Variants in GPC5 observed in about 807,000 individuals in gnomAD.
GPC5 encodes glypican-5.
A neutral mutation model predicts 53.9 loss-of-function variants in GPC5; 47 were observed. The observed-to-expected ratio is 0.87, with a 90% CI of 0.69 to 1.11. The LOEUF (loss-of-function observed/expected upper bound fraction) is 1.11, where lower values mean the gene tolerates loss of function less well. Ranked by LOEUF, GPC5 falls within the 50% of genes most tolerant of loss-of-function variation. The pLI, the probability that GPC5 is intolerant of heterozygous loss-of-function variation, is 0.00. For synonymous variants in GPC5, 286 were observed against 263.3 expected, an observed-to-expected ratio of 1.09 and a Z score of -0.84; for missense variants, 748 against 713.1, an observed-to-expected ratio of 1.05 and a Z score of -0.56.
chr13:92,731,003 T>C (rs1239510378), intron 7 of GPC5, among the ~76,000 whole-genome samples: 5 of 151,398 alleles, frequency 3.3e-5, no homozygotes. Flanking sequence ...AGATGAGTCT[T>C]TGATTGCTTA....
intron 2 of GPC5, among the ~76,000 whole-genome samples, chr13:91,511,329 C>T (rs73606479): frequency 0.013 from 1,908 of 152,146 alleles, 39 homozygotes; most frequent in African/African-American, 0.04. Flanking sequence ...CTTTGGTTTT[C>T]AGGAATTTGA....
intron 7 of GPC5, among the ~76,000 whole-genome samples, chr13:92,356,705 A>G (rs1182257053): frequency 1.3e-5 from 2 of 152,104 alleles, no homozygotes; most frequent in African/African-American, 4.8e-5. Context: ...ACCAATTTTT[A>G]TTTATTTTTT....
chr13:91,656,010 T>A (rs1254544378), intron 2 of GPC5, among the ~76,000 whole-genome samples: 1 of 152,104 alleles, frequency 6.6e-6, no homozygotes, highest in Non-Finnish European at 1.5e-5. Context: ...CTTTTAGTGA[T>A]CGTTGTGTCA....
intron 7 of GPC5, among the ~76,000 whole-genome samples, chr13:92,376,298 G>A (rs2043693163): frequency 6.6e-6 from 1 of 152,174 alleles, no homozygotes; most frequent in African/African-American, 2.4e-5. Flanking sequence ...TGGCTAAGCT[G>A]TTTTGCATAA....
At chr13:91,792,226 G>A (rs182601671) in intron 5 of GPC5, among the ~76,000 whole-genome samples, 18 of 152,242 alleles carry the variant, frequency 1.2e-4, no homozygotes, top group South Asian at 4.1e-4. Context: ...ACTTCACTGC[G>A]TAGCAGCAAC....
chr13:91,883,940 A>G (rs936262229), intron 5 of GPC5, among the ~76,000 whole-genome samples: 2 of 152,056 alleles, frequency 1.3e-5, no homozygotes, highest in Non-Finnish European at 2.9e-5. Flanking sequence ...CCCTCCTCCC[A>G]GCTTTCACCC....
intron 1 of GPC5, among the ~76,000 whole-genome samples, chr13:91,432,199 GCTGC>G (rs1879504859): frequency 4.2e-5 from 3 of 70,590 alleles, no homozygotes; most frequent in African/African-American, 2.0e-4. Flanking sequence ...TGCTGCTGCT[GCTGC>G]TGTGTGTGTG....
At chr13:91,769,342 T>C (rs1486875358) in intron 5 of GPC5, among the ~76,000 whole-genome samples, 12 of 152,156 alleles carry the variant, frequency 7.9e-5, no homozygotes, top group Non-Finnish European at 1.8e-4. Context: ...AGACTGCTAC[T>C]TGACCAAACC....
At chr13:91,715,490 C>CA (rs1392262989) in intron 3 of GPC5, among the ~76,000 whole-genome samples, 3 of 151,898 alleles carry the variant, frequency 2.0e-5, no homozygotes, top group East Asian at 1.9e-4. Flanking sequence ...TAAAATCAGA[C>CA]AAAAAAGAAC....
chr13:91,938,654 T>G (rs2039894000), intron 6 of GPC5, among the ~76,000 whole-genome samples: 1 of 152,180 alleles, frequency 6.6e-6, no homozygotes, highest in African/African-American at 2.4e-5. Flanking sequence ...AAAGTAAAAA[T>G]GTAAGCATTT....
At chr13:91,774,133 T>C (rs1056680539) in intron 5 of GPC5, among the ~76,000 whole-genome samples, 1 of 152,138 alleles carries the variant, frequency 6.6e-6, no homozygotes, top group Non-Finnish European at 1.5e-5. Context: ...TAATTCAAAA[T>C]AAACTGAAGA....
chr13:91,832,700 C>A (rs915251925), intron 5 of GPC5, among the ~76,000 whole-genome samples: 54 of 151,932 alleles, frequency 3.6e-4, no homozygotes, highest in African/African-American at 1.3e-3. Context: ...CCAATGAGAA[C>A]AAAGACACAA....
At chr13:92,718,977 A>AC (rs1888420576) in intron 7 of GPC5, among the ~76,000 whole-genome samples, 3 of 151,628 alleles carry the variant, frequency 2.0e-5, no homozygotes, top group South Asian at 4.2e-4. Flanking sequence ...TTGAGGTGAT[A>AC]CCCCCCATTT....
intron 7 of GPC5, among the ~76,000 whole-genome samples, chr13:92,724,304 A>G: frequency 6.6e-6 from 1 of 151,676 alleles, no homozygotes; most frequent in Admixed American, 6.6e-5. Context: ...AAACTCTTAG[A>G]AAAGATATCA....
intron 7 of GPC5, among the ~76,000 whole-genome samples, chr13:92,278,242 A>C (rs1193728484): frequency 6.6e-6 from 1 of 151,958 alleles, no homozygotes; most frequent in Non-Finnish European, 1.5e-5. Flanking sequence ...TTAGATATTC[A>C]AACTACTTTT....
intron 2 of GPC5, among the ~76,000 whole-genome samples, chr13:91,492,808 A>G (rs1884011957): frequency 6.6e-6 from 1 of 152,150 alleles, no homozygotes; most frequent in African/African-American, 2.4e-5. Flanking sequence ...CCTTTCTTCC[A>G]ATGATCTTGT....
chr13:92,862,489 G>A (rs1012157010), intron 7 of GPC5, among the ~76,000 whole-genome samples: 6 of 151,858 alleles, frequency 4.0e-5, no homozygotes, highest in Non-Finnish European at 7.4e-5. Context: ...CATCTGCCCC[G>A]TACTCTCACC....
chr13:91,478,822 T>TATATATATATATATATATATACACAC (rs1323023652), intron 2 of GPC5, among the ~76,000 whole-genome samples: 1 of 92,174 alleles, frequency 1.1e-5, no homozygotes, highest in African/African-American at 5.2e-5. Context: ...TATATATATA[T>TATATATATATATATATATATACACAC]ACACACACAC....
At chr13:91,603,304 C>T (rs367941368) in intron 2 of GPC5, among the ~76,000 whole-genome samples, 64 of 152,332 alleles carry the variant, frequency 4.2e-4, no homozygotes, top group African/African-American at 1.5e-3. Context: ...AGCAGCTTGG[C>T]ATGGGCCTTA....
Sources: gnomAD v4.1 joint callset for allele counts (sites outside exome capture counted in the v4.1 genomes callset) on GRCh38, gnomAD v4.1.1 for gene constraint, MANE v1.5 for transcripts, NCBI Gene and HGNC (gene_info 2026-07-23, HGNC 2026-07-21) for gene names.